The following RNF214 variants were observed in gnomAD, a reference collection of about 807,000 sequenced individuals.
The protein encoded by RNF214 is ring finger protein 214.
A neutral mutation model predicts 75.9 loss-of-function variants in RNF214; 25 were observed. That is an observed-to-expected ratio of 0.33 (90% CI 0.24 to 0.46). The LOEUF (loss-of-function observed/expected upper bound fraction) is 0.46, where lower values mean the gene tolerates loss of function less well. Among genes scored for constraint, RNF214 ranks in the 20% least tolerant of loss-of-function variants. The pLI is 1.00. For missense variants in RNF214, 725 were observed against 857.5 expected (o/e 0.85, Z 1.93); for synonymous variants, 314 against 308.8 (o/e 1.02, Z -0.18).
chr11:117,250,609 A>ATTATT (rs202067736), intron 6 of RNF214, among the ~76,000 whole-genome samples: 18 of 63,174 alleles, frequency 2.8e-4, no homozygotes, highest in African/African-American at 1.3e-3. Flanking sequence ...TTATTTATTT[A>ATTATT]TTTTTTTTTT....
chr11:117,243,742 A>G lies in RNF214; in HGVS notation c.679-703A>G, dbSNP rs113671377. Reference sequence around the variant, plus strand: ...ATTTATTATTGTTATTTTTTGGTAGAGACCAGGTATTACTATGTTGCCCAG... The same window carrying G: ...ATTTATTATTGTTATTTTTTGGTAGGGACCAGGTATTACTATGTTGCCCAG... On this transcript the variant is annotated intron_variant, in intron 4 of 14. Transcript: ENST00000300650. Among the ~76,000 whole-genome samples, 1,201 of 152,240 alleles carry G rather than the reference A, an allele frequency of 7.9e-3. 23 individuals are homozygous for G. The highest frequency in any genetic ancestry group is 0.028 in the African/African-American group (1,153 of 41,526).
chr11:117,267,769 T>C lies in RNF214; in HGVS notation c.960-12139T>C, dbSNP rs77904852. On this transcript the variant is annotated intron_variant, in intron 6 of 14. Coordinates refer to ENST00000300650, the MANE Select transcript of RNF214 (RefSeq NM_207343.4). ...TTATTTTTTTGGTTATAAATATACA[T>C]ACATGTTCCAGCACCATTTGTTGAA... Among the ~76,000 whole-genome samples the C allele has an allele frequency of 0.012, 1,847 of 151,986 alleles. 83 individuals are homozygous for C. The East Asian group carries it at 0.13, about 11-fold the overall frequency.
At chr11:117,280,144 G>A (rs1229474795) in intron 7 of RNF214, 27 bp from the exon 8 acceptor site, 1 of 1,574,730 alleles carries the variant, frequency 6.4e-7, no homozygotes, top group African/African-American at 1.4e-5. Context: ...AATTAATAAA[G>A]TATTTATATG....
Position 117,285,121 on chromosome 11 carries a change from C to T in RNF214, c.2082C>T (p.Asp694=). 1 of 1,612,804 alleles carries T rather than the reference C, an allele frequency of 6.2e-7. No individual in the cohort carries two copies. Among genetic ancestry groups the T allele is most frequent in the Non-Finnish European group, 8.5e-7 (1 of 1,178,844 alleles). ...TCTGGGCCCAGACCAACACAAATGA[C>T]ACTTGTCCCTTTTGTCCAACTCTTA... is the stretch of plus-strand genomic sequence containing the variant. The part of the protein sequence containing the change: ...IKFWAQTNTN[D]TCPFCPTLK The change falls in exon 15 of 15, where the codon GAC becomes GAT. Residue 694 remains aspartate (D), a synonymous_variant. Transcript: ENST00000300650.
chr11:117,283,133 C>T lies in RNF214; in HGVS notation c.1969C>T (p.Leu657=). 1 of 1,613,976 alleles carries T rather than the reference C, an allele frequency of 6.2e-7. No individual in the cohort carries two copies. The highest frequency in any genetic ancestry group is 1.7e-5 in the Admixed American group (1 of 60,008). ...TCTACAGGCTCCAGCCACCTGTAAG[C>T]TATGTCTAATGTGCCAGAAACTCGT... ...RSSHAPATCK[L]CLMCQKLVQP... Residue 657 remains leucine, a synonymous_variant, in exon 14 of 15, where the codon CTA becomes TTA. Transcript: ENST00000300650.
intron 6 of RNF214, among the ~76,000 whole-genome samples, chr11:117,258,255 A>G (rs621858): frequency 0.72 from 109,651 of 151,850 alleles, 41,243 homozygotes; most frequent in East Asian, 0.95. Flanking sequence ...TTTTAGTAGA[A>G]ATGGGGTTTC....
At position 117,280,015 on chromosome 11, in the gene RNF214, G is replaced by A. The variant is rs778809604; in HGVS notation, c.1056+11G>A. 1.8e-5 allele frequency: 28 copies of A among 1,598,264 alleles called. No individual in the cohort carries two copies. Among genetic ancestry groups the A allele is most frequent in the Non-Finnish European group, 2.1e-5 (24 of 1,169,124 alleles). On this transcript the variant is annotated intron_variant, in intron 7 of 14. Transcript: ENST00000300650. ...GCCTGGAAGGCAGAGGTGAGAAGAG[G>A]AGCTGATATCTTGAAAGTCTTAGTT... is the stretch of plus-strand genomic sequence containing the variant.
At position 117,238,915 on chromosome 11, in the gene RNF214, C is replaced by G; in HGVS notation, c.422C>G (p.Thr141Ser). ...VTRSLKAGCH[T>S]KQLASRNCSE... ...CGGTCTCTTAAGGCAGGGTGCCATA[C>G]TAAGCAGCTTGCCTCCAGGAATTGC... The change falls in exon 3 of 15, where the codon ACT becomes AGT. Residue 141 changes from threonine (T) to serine (S), a missense_variant. Around this residue, in one of 2 missense-constraint regions of RNF214, gnomAD observed 362 missense variants for 344.5 expected, o/e 1.05. Coordinates refer to ENST00000300650, the MANE Select transcript of RNF214 (RefSeq NM_207343.4). 6.2e-7 allele frequency: 1 copy of G among 1,614,190 alleles called. No individual in the cohort carries two copies. Among genetic ancestry groups the G allele is most frequent in the East Asian group, 2.2e-5 (1 of 44,890 alleles).
chr11:117,284,517 C>T (rs1446142069), intron 14 of RNF214, among the ~76,000 whole-genome samples: 3 of 152,192 alleles, frequency 2.0e-5, no homozygotes, highest in African/African-American at 7.2e-5. Context: ...GCAAGCCACA[C>T]TAGACATTCA....
chr11:117,283,213 A>G lies in RNF214; in HGVS notation c.2046+3A>G, dbSNP rs773840593. Reference sequence around the variant, plus strand: ...GTACCCATGTATTGCACAAGGAGGTAGGTGTTACAGACCTTCCTCATTTTC... The same window carrying G: ...GTACCCATGTATTGCACAAGGAGGTGGGTGTTACAGACCTTCCTCATTTTC... On this transcript the variant is annotated splice_donor_region_variant and intron_variant, in intron 14 of 14. Coordinates refer to ENST00000300650, the MANE Select transcript of RNF214 (RefSeq NM_207343.4). 67 of 1,591,954 alleles carry G rather than the reference A, an allele frequency of 4.2e-5. 1 individual carries two copies. The Middle Eastern group carries it at 6.6e-4, about 16-fold the overall frequency.
Position 117,238,986 on chromosome 11 carries a change from A to AG in RNF214, c.496dup (p.Asp166GlyfsTer17), listed in dbSNP as rs1215843576. On this transcript the variant is annotated frameshift_variant, in exon 3 of 15. Transcript: ENST00000300650. LOFTEE classifies it high-confidence loss of function. The stretch of plus-strand genomic sequence containing the variant: ...AACCTCCATCCTAAAGGAAGGTAAC[A>AG]GGGACACAAGCTTGGATTTCCGACC... 6.2e-7 allele frequency: 1 copy of AG among 1,614,190 alleles called. No individual in the cohort carries two copies. The highest frequency in any genetic ancestry group is 1.7e-5 in the Admixed American group (1 of 60,016).
intron 6 of RNF214, among the ~76,000 whole-genome samples, chr11:117,254,719 G>C (rs965140669): frequency 2.0e-5 from 3 of 151,914 alleles, no homozygotes; most frequent in African/African-American, 4.8e-5. Flanking sequence ...CGCCTCCTGG[G>C]TTCAAGTGAT....
intron 6 of RNF214, among the ~76,000 whole-genome samples, chr11:117,247,886 A>G (rs948698620): frequency 6.6e-6 from 1 of 151,724 alleles, no homozygotes; most frequent in South Asian, 2.1e-4. Context: ...ACAAAAAAAA[A>G]CAAAGTTCAG....
intron 6 of RNF214, among the ~76,000 whole-genome samples, chr11:117,252,732 G>C (rs1487403309): frequency 6.6e-6 from 1 of 151,740 alleles, no homozygotes; most frequent in African/African-American, 2.4e-5. Context: ...GTGTTAGCCA[G>C]GATGGTCTCG....
At chr11:117,262,445 T>C (rs1228287661) in intron 6 of RNF214, among the ~76,000 whole-genome samples, 1 of 152,052 alleles carries the variant, frequency 6.6e-6, no homozygotes, top group Non-Finnish European at 1.5e-5. Flanking sequence ...CAGTGATATG[T>C]CATAGCTCAC....
At chr11:117,259,968 T>C (rs1023062716) in intron 6 of RNF214, among the ~76,000 whole-genome samples, 2 of 152,238 alleles carry the variant, frequency 1.3e-5, no homozygotes, top group African/African-American at 4.8e-5. Context: ...CTCCTCTAAG[T>C]TACCTTTGCC....
intron 6 of RNF214, among the ~76,000 whole-genome samples, chr11:117,251,225 C>T (rs1394298164): frequency 3.8e-5 from 3 of 79,268 alleles, no homozygotes; most frequent in African/African-American, 1.0e-4. Flanking sequence ...CCGGACGGGG[C>T]GGCTGGCCGG....
At chr11:117,271,566 G>A (rs2033911123) in intron 6 of RNF214, among the ~76,000 whole-genome samples, 1 of 152,158 alleles carries the variant, frequency 6.6e-6, no homozygotes, top group African/African-American at 2.4e-5. Flanking sequence ...TCTGTCCCTG[G>A]TACTCCATTT....
intron 6 of RNF214, among the ~76,000 whole-genome samples, chr11:117,278,916 C>A (rs1291261833): frequency 6.6e-6 from 1 of 152,004 alleles, no homozygotes; most frequent in African/African-American, 2.4e-5. Context: ...CAAAGTGAGA[C>A]CCCTGTCTCT....
Sources: gnomAD v4.1 joint callset for allele counts (sites outside exome capture counted in the v4.1 genomes callset) on GRCh38, gnomAD v4.1.1 for gene constraint, gnomAD v4.1.1 regional missense constraint, MANE v1.5 for transcripts, NCBI Gene and HGNC (gene_info 2026-07-23, HGNC 2026-07-21) for gene names.